FRAS1: variants seen among roughly 807,000 people sequenced by gnomAD.
FRAS1 encodes extracellular matrix organizing protein FRAS1.
A neutral mutation model predicts 435.2 loss-of-function variants in FRAS1; 290 were observed. The ratio of observed to expected loss-of-function variants is 0.67; its 90% CI spans 0.61 to 0.73. The LOEUF is 0.73. FRAS1 is among the 30% of genes least tolerant of loss of function. The pLI is 0.00. For missense variants in FRAS1, 4,860 were observed against 5,001.5 expected, an observed-to-expected ratio of 0.97 and a Z score of 0.85; for synonymous variants, 1,800 against 1,851.0, an observed-to-expected ratio of 0.97 and a Z score of 0.71.
intron 2 of FRAS1, among the ~76,000 whole-genome samples, chr4:78,202,580 A>C (rs1246729133): frequency 6.6e-6 from 1 of 152,098 alleles, no homozygotes; most frequent in Non-Finnish European, 1.5e-5. Flanking sequence ...AATCCCAGCT[A>C]CTCGGGAGGC....
intron 4 of FRAS1, among the ~76,000 whole-genome samples, chr4:78,246,896 T>C (rs1305964139): frequency 1.3e-5 from 2 of 152,212 alleles, no homozygotes; most frequent in Non-Finnish European, 1.5e-5. Context: ...TAATTTAAGA[T>C]GCCTGAGAAT....
At chr4:78,384,679 G>A (rs924018493) in intron 28 of FRAS1, among the ~76,000 whole-genome samples, 19 of 151,796 alleles carry the variant, frequency 1.3e-4, no homozygotes, top group African/African-American at 4.3e-4. Flanking sequence ...GGATTGCTTG[G>A]GCCCAGGAGT....
At chr4:78,453,997 A>G (rs1245752896) in intron 47 of FRAS1, among the ~76,000 whole-genome samples, 1 of 152,104 alleles carries the variant, frequency 6.6e-6, no homozygotes, top group African/African-American at 2.4e-5. Flanking sequence ...AAGGATTCCA[A>G]CAACAAGCAA....
chr4:78,539,010 C>T (rs1721968380), intron 72 of FRAS1, among the ~76,000 whole-genome samples: 1 of 150,608 alleles, frequency 6.6e-6, no homozygotes, highest in Admixed American at 6.6e-5. Flanking sequence ...ATCACAAGAA[C>T]ATCATAGAGG....
At chr4:78,094,755 A>G (rs1287511847) in intron 2 of FRAS1, among the ~76,000 whole-genome samples, 4 of 152,188 alleles carry the variant, frequency 2.6e-5, no homozygotes, top group African/African-American at 9.7e-5. Context: ...TTCAGTATAA[A>G]GTACCATTAG....
At chr4:78,507,366 T>G in intron 61 of FRAS1, 55 bp from the exon 62 acceptor site, 2 of 1,496,326 alleles carry the variant, frequency 1.3e-6, no homozygotes, top group Non-Finnish European at 1.8e-6. Flanking sequence ...TGCACTCTCT[T>G]GGGTGTGTTT....
chr4:78,306,648 A>G (rs1270154763), intron 14 of FRAS1, among the ~76,000 whole-genome samples: 2 of 148,184 alleles, frequency 1.3e-5, no homozygotes, highest in African/African-American at 5.0e-5. Context: ...CTTCCAGTTG[A>G]TCGCATCGGC....
chr4:78,142,144 G>T (rs937110114), intron 2 of FRAS1, among the ~76,000 whole-genome samples: 1 of 151,952 alleles, frequency 6.6e-6, no homozygotes, highest in African/African-American at 2.4e-5. Flanking sequence ...AAAAAAATGG[G>T]ACTACGGCTT....
rs530883263 is a variant in FRAS1 at position 78,113,096 on chromosome 4, C to A, written c.108+47080C>A. Among the ~76,000 whole-genome samples, 21 of 152,230 alleles carry A rather than the reference C, an allele frequency of 1.4e-4. No individual in the cohort carries two copies. In the South Asian group the frequency reaches 3.9e-3, roughly 29 times the overall value. On this transcript the variant is annotated intron_variant, in intron 2 of 73. Coordinates refer to ENST00000512123, the MANE Select transcript of FRAS1 (RefSeq NM_025074.7). ...TGCGGTGTTTGGTTTTTCATCCTTG[C>A]GATAGTTTGCTGAGAATGATGGTTT...
At chr4:78,433,681 T>C (rs777563091) in intron 38 of FRAS1, among the ~76,000 whole-genome samples, 1 of 152,192 alleles carries the variant, frequency 6.6e-6, no homozygotes, top group African/African-American at 2.4e-5. Context: ...TGATTTTGTT[T>C]TTTGTTTTTA....
chr4:78,141,341 A>C (rs1720173608), intron 2 of FRAS1, among the ~76,000 whole-genome samples: 1 of 152,118 alleles, frequency 6.6e-6, no homozygotes, highest in African/African-American at 2.4e-5. Context: ...TCTAGGGATA[A>C]ATTGAAGTGG....
chr4:78,468,663 G>A (rs775684559), intron 50 of FRAS1, among the ~76,000 whole-genome samples: 1 of 152,108 alleles, frequency 6.6e-6, no homozygotes, highest in Admixed American at 6.6e-5. Flanking sequence ...TTCCCTTGCC[G>A]CCATTTTTAC....
intron 33 of FRAS1, among the ~76,000 whole-genome samples, chr4:78,421,495 C>T (rs772179290): frequency 1.9e-4 from 29 of 152,212 alleles, no homozygotes; most frequent in South Asian, 4.1e-4. Context: ...CGATGGTGTC[C>T]GCCTAGATTG....
At chr4:78,278,634 C>T (rs1366049107) in intron 9 of FRAS1, 21 bp from the exon 10 acceptor site, 1 of 1,423,678 alleles carries the variant, frequency 7.0e-7, no homozygotes, top group South Asian at 1.2e-5. Flanking sequence ...ATATGTGCCA[C>T]TGCAACCCTT....
intron 20 of FRAS1, among the ~76,000 whole-genome samples, chr4:78,346,578 TC>T (rs1730611576): frequency 6.6e-6 from 1 of 152,134 alleles, no homozygotes; most frequent in Non-Finnish European, 1.5e-5. Flanking sequence ...TTTATTCACT[TC>T]CTTTTGATGC....
At position 78,069,785 on chromosome 4, in the gene FRAS1, AGTT is replaced by A. The variant is rs754857484; in HGVS notation, c.108+3770_108+3772del. Among the ~76,000 whole-genome samples the A allele has an allele frequency of 6.1e-4, 20 of 32,714 alleles. No individual in the cohort carries two copies. In the East Asian group the frequency reaches 0.021, roughly 34 times the overall value. The allele number at this position is 32,714 out of a possible 152,430, so 21.5% of individuals were successfully genotyped here. A position where few individuals can be genotyped will look rare whatever the true frequency, so the allele number is the denominator to read the frequency against. ...TTAATACTCAACAAACCCAGGAAAT[AGTT>A]TTTTTTTTTTTTTTAACTTACTTTA... On this transcript the variant is annotated intron_variant, in intron 2 of 73. Coordinates refer to ENST00000512123, the MANE Select transcript of FRAS1 (RefSeq NM_025074.7).
intron 54 of FRAS1, among the ~76,000 whole-genome samples, chr4:78,476,637 C>T (rs897050472): frequency 6.6e-6 from 1 of 152,020 alleles, no homozygotes; most frequent in Non-Finnish European, 1.5e-5. Flanking sequence ...TGTCTTTCAG[C>T]TAAATGATAA....
chr4:78,274,966 T>C (rs1009030830), intron 9 of FRAS1, among the ~76,000 whole-genome samples: 18 of 152,038 alleles, frequency 1.2e-4, no homozygotes, highest in African/African-American at 4.4e-4. Flanking sequence ...TTTGTAGGTC[T>C]CTAAGGACTT....
intron 61 of FRAS1, among the ~76,000 whole-genome samples, chr4:78,500,440 G>T (rs1026956361): frequency 6.6e-6 from 1 of 152,170 alleles, no homozygotes; most frequent in East Asian, 1.9e-4. Context: ...CAGCTTAAAG[G>T]TCTGTGATCT....
Sources: allele counts gnomAD v4.1 joint callset (sites outside exome capture counted in the v4.1 genomes callset), GRCh38; gene constraint gnomAD v4.1.1; transcripts MANE v1.5; gene names NCBI Gene and HGNC (gene_info 2026-07-23, HGNC 2026-07-21).